The following PDHX variants were observed in gnomAD, a reference collection of about 807,000 sequenced individuals.
PDHX encodes the protein pyruvate dehydrogenase protein X component, mitochondrial.
In PDHX, 33 loss-of-function variants were observed where a neutral mutation model predicts 55.3. The ratio of observed to expected loss-of-function variants is 0.60; its 90% CI spans 0.45 to 0.80. PDHX has a LOEUF of 0.80. PDHX is among the 30% of genes least tolerant of loss of function. The pLI, the probability that PDHX is intolerant of heterozygous loss-of-function variation, is 0.00. For missense variants in PDHX, 622 were observed against 619.9 expected (o/e 1.00, Z -0.04); for synonymous variants, 226 against 219.4 (o/e 1.03, Z -0.27).
intron 7 of PDHX, 135 bp downstream of exon 7, chr11:34,970,421 T>C (rs1855233223): frequency 1.3e-6 from 1 of 743,742 alleles, no homozygotes; most frequent in Non-Finnish European, 2.2e-6. Context: ...TGCACTCTAC[T>C]CTGGGTATAT....
chr11:34,961,451 T>G (rs1855019761), intron 5 of PDHX, among the ~76,000 whole-genome samples: 1 of 152,074 alleles, frequency 6.6e-6, no homozygotes, highest in South Asian at 2.1e-4. Flanking sequence ...TGTTTCAAAT[T>G]GAGTTTATGT....
chr11:34,980,046 T>A (rs1176281870), intron 8 of PDHX, among the ~76,000 whole-genome samples: 1 of 151,228 alleles, frequency 6.6e-6, no homozygotes, highest in Non-Finnish European at 1.5e-5. Flanking sequence ...TAATTACTGA[T>A]CTGTTTTAAT....
chr11:34,995,185 A>G lies in PDHX; in HGVS notation c.*13A>G. On this transcript the variant is annotated 3_prime_UTR_variant, in exon 11 of 11. Transcript: ENST00000227868. ...CCGACTTGCCTAGTCCTCAAAGATA[A>G]GAAGTTGGTGTTCAGCTTAGTTGAT... The G allele has an allele frequency of 1.2e-6, 2 of 1,613,438 alleles. No homozygotes were observed. The highest frequency in any genetic ancestry group is 1.7e-6 in the Non-Finnish European group (2 of 1,179,720).
At chr11:34,992,936 A>G (rs892848477) in intron 10 of PDHX, among the ~76,000 whole-genome samples, 2 of 152,200 alleles carry the variant, frequency 1.3e-5, no homozygotes, top group African/African-American at 4.8e-5. Context: ...CCAAATGGTT[A>G]TACAAATTTA....
chr11:34,968,648 A>G (rs1040732494), intron 6 of PDHX, among the ~76,000 whole-genome samples: 14 of 152,224 alleles, frequency 9.2e-5, no homozygotes, highest in African/African-American at 3.4e-4. Flanking sequence ...AAAAATTACA[A>G]ATCCAAATAG....
intron 8 of PDHX, among the ~76,000 whole-genome samples, chr11:34,981,787 C>T (rs1855518781): frequency 6.6e-6 from 1 of 152,210 alleles, no homozygotes; most frequent in Admixed American, 6.5e-5. Flanking sequence ...CTTTTGGCTG[C>T]ATAAATGTCT....
intron 9 of PDHX, among the ~76,000 whole-genome samples, chr11:34,990,246 T>G (rs1375544368): frequency 6.6e-6 from 1 of 152,204 alleles, no homozygotes; most frequent in Non-Finnish European, 1.5e-5. Flanking sequence ...TAGCAAGGCA[T>G]TCGATGTATT....
chr11:34,994,772 A>T, intron 10 of PDHX, 142 bp from the exon 11 acceptor site: 1 of 814,972 alleles, frequency 1.2e-6, no homozygotes, highest in South Asian at 1.5e-5. Context: ...TGTAAATACT[A>T]AATGTTTCCT....
intron 6 of PDHX, among the ~76,000 whole-genome samples, chr11:34,967,120 G>C (rs1855154828): frequency 6.6e-6 from 1 of 152,112 alleles, no homozygotes; most frequent in Non-Finnish European, 1.5e-5. Context: ...CCAAAGTGCT[G>C]GGATTACAGG....
intron 9 of PDHX, among the ~76,000 whole-genome samples, chr11:34,987,874 T>C (rs1417539254): frequency 6.6e-6 from 1 of 152,136 alleles, no homozygotes; most frequent in East Asian, 1.9e-4. Flanking sequence ...CGTATAGTAG[T>C]GAGTCACCTT....
At chr11:34,916,481 C>G (rs1003040156), upstream of PDHX, 43 of 1,449,042 alleles carry the variant, frequency 3.0e-5, no homozygotes, top group East Asian at 8.7e-4. Context: ...CCTGACTTCC[C>G]GGGAGGCAAG....
intron 8 of PDHX, among the ~76,000 whole-genome samples, chr11:34,982,823 C>T (rs2133995879): frequency 6.6e-6 from 1 of 152,302 alleles, no homozygotes; most frequent in South Asian, 2.1e-4. Flanking sequence ...GATGGATTCA[C>T]AGCCGAATTC....
intron 1 of PDHX, among the ~76,000 whole-genome samples, chr11:34,924,593 A>C (rs901325458): frequency 6.6e-6 from 1 of 152,202 alleles, no homozygotes; most frequent in East Asian, 1.9e-4. Flanking sequence ...GATAGAATAA[A>C]TAACTTGTAG....
chr11:34,945,768 A>C (rs1204611390), intron 2 of PDHX, among the ~76,000 whole-genome samples: 1 of 152,160 alleles, frequency 6.6e-6, no homozygotes, highest in African/African-American at 2.4e-5. Context: ...AACTTGCATA[A>C]ACTTTAGGCT....
At chr11:34,934,571 ATTT>A (rs35227178) in intron 2 of PDHX, among the ~76,000 whole-genome samples, 83 of 92,402 alleles carry the variant, frequency 9.0e-4, no homozygotes, top group Admixed American at 1.4e-3. Context: ...GATATTATGG[ATTT>A]TTTTTTTTTT....
At chr11:34,991,224 A>G (rs185115601) in intron 9 of PDHX, among the ~76,000 whole-genome samples, 110 of 152,286 alleles carry the variant, frequency 7.2e-4, no homozygotes, top group African/African-American at 2.6e-3. Context: ...GTGGCAGTGT[A>G]AATTGGACTA....
chr11:34,963,779 A>G (rs1565162322), intron 5 of PDHX, among the ~76,000 whole-genome samples: 1 of 152,228 alleles, frequency 6.6e-6, no homozygotes, highest in Non-Finnish European at 1.5e-5. Flanking sequence ...CAAAGAATAT[A>G]GACTTGACTT....
intron 5 of PDHX, among the ~76,000 whole-genome samples, chr11:34,961,876 C>T (rs1417000357): frequency 6.6e-6 from 1 of 152,180 alleles, no homozygotes; most frequent in African/African-American, 2.4e-5. Flanking sequence ...TTAAAAGTTA[C>T]ACTTAGCTGT....
Position 34,978,292 on chromosome 11 carries a change from G to C in PDHX, c.1023+110G>C, listed in dbSNP as rs111592412. ...TTTAAATCACAAAAATTTTATAATT[G>C]TCTTGCTAAAAATATCCTATCGTTT... On this transcript the variant is annotated intron_variant, in intron 8 of 10. Transcript: ENST00000227868. The C allele has an allele frequency of 8.3e-4, 596 of 720,992 alleles. 7 individuals are homozygous for C. The African/African-American group carries it at 9.1e-3, about 11-fold the overall frequency. The allele number at this position is 720,992 out of a possible 1,614,324, so 44.7% of individuals were successfully genotyped here.
Sources: gnomAD v4.1 joint callset for allele counts (sites outside exome capture counted in the v4.1 genomes callset) on GRCh38, gnomAD v4.1.1 for gene constraint, MANE v1.5 for transcripts, NCBI Gene and HGNC (gene_info 2026-07-23, HGNC 2026-07-21) for gene names.